PLXNA4: variants seen among roughly 807,000 people sequenced by gnomAD.
The protein encoded by PLXNA4 is plexin-A4.
Under a neutral mutation model 191.8 loss-of-function variants are expected in PLXNA4, and 44 were observed. The ratio of observed to expected loss-of-function variants is 0.23; its 90% CI spans 0.18 to 0.29. PLXNA4 has a LOEUF of 0.29. PLXNA4 is among the 10% of genes least tolerant of loss of function. The pLI is 1.00. For missense variants in PLXNA4, 1,800 were observed against 2,488.8 expected, an observed-to-expected ratio of 0.72 and a Z score of 5.89; for synonymous variants, 1,082 against 1,009.5, an observed-to-expected ratio of 1.07 and a Z score of -1.36.
chr7:132,529,141 C>T (rs1366168940), intron 1 of PLXNA4, among the ~76,000 whole-genome samples: 1 of 152,222 alleles, frequency 6.6e-6, no homozygotes, highest in African/African-American at 2.4e-5. Flanking sequence ...GCAAAGCCAG[C>T]CCCAGTCCAT....
chr7:132,489,536 A>C, intron 2 of PLXNA4, 62 bp from the exon 3 acceptor site: 1 of 1,370,386 alleles, frequency 7.3e-7, no homozygotes, highest in Non-Finnish European at 9.9e-7. Context: ...AGAGATATTA[A>C]GTCAGGAAAC....
intron 31 of PLXNA4, among the ~76,000 whole-genome samples, chr7:132,132,000 G>C (rs962529835): frequency 7.2e-5 from 11 of 152,212 alleles, no homozygotes; most frequent in African/African-American, 2.7e-4. Flanking sequence ...TAGAGAACTC[G>C]GGGCACAAGC....
chr7:132,568,449 T>C (rs549692054), intron 1 of PLXNA4, among the ~76,000 whole-genome samples: 1 of 152,260 alleles, frequency 6.6e-6, no homozygotes, highest in East Asian at 1.9e-4. Context: ...CTAATTGGAG[T>C]ACCCTGCCCT....
chr7:132,454,434 T>C (rs1156239306), intron 3 of PLXNA4, among the ~76,000 whole-genome samples: 2 of 152,140 alleles, frequency 1.3e-5, no homozygotes, highest in African/African-American at 4.8e-5. Context: ...GCTTGGGTTC[T>C]GTGAGGGGCA....
chr7:132,618,687 CAGA>C (rs530824195), intron 2 of PLXNA4, among the ~76,000 whole-genome samples: 51 of 152,256 alleles, frequency 3.3e-4, no homozygotes, highest in Middle Eastern at 3.4e-3. Flanking sequence ...AGAAAAGTAG[CAGA>C]AGGTTTATGT....
At chr7:132,358,345 C>T (rs894054724) in intron 3 of PLXNA4, among the ~76,000 whole-genome samples, 10 of 152,160 alleles carry the variant, frequency 6.6e-5, no homozygotes, top group African/African-American at 2.2e-4. Flanking sequence ...TTTCTACTAA[C>T]AAGTGAGCCT....
chr7:132,272,257 G>T (rs1485087846), intron 4 of PLXNA4, among the ~76,000 whole-genome samples: 2 of 152,162 alleles, frequency 1.3e-5, no homozygotes, highest in African/African-American at 4.8e-5. Flanking sequence ...ACCTTTGTCT[G>T]CATTTCTACA....
chr7:132,432,976 G>GT (rs1209507411), intron 3 of PLXNA4, among the ~76,000 whole-genome samples: 1 of 152,054 alleles, frequency 6.6e-6, no homozygotes, highest in African/African-American at 2.4e-5. Flanking sequence ...CCCCACCATT[G>GT]TAAGTGTTTC....
intron 1 of PLXNA4, among the ~76,000 whole-genome samples, chr7:132,552,226 C>T (rs1307923254): frequency 1.3e-5 from 2 of 152,276 alleles, no homozygotes; most frequent in African/African-American, 4.8e-5. Flanking sequence ...TGTCCAGGAT[C>T]ACAGCTGGCA....
chr7:132,430,172 C>A (rs746237741), intron 3 of PLXNA4, among the ~76,000 whole-genome samples: 1 of 152,202 alleles, frequency 6.6e-6, no homozygotes, highest in Admixed American at 6.5e-5. Flanking sequence ...TATCTTCATT[C>A]ATTCAAAACC....
intron 1 of PLXNA4, among the ~76,000 whole-genome samples, chr7:132,514,208 T>A (rs1191037633): frequency 6.6e-6 from 1 of 151,902 alleles, no homozygotes; most frequent in Non-Finnish European, 1.5e-5. Flanking sequence ...CCCGCCACCA[T>A]GCTTGGCTAA....
chr7:132,181,327 C>A, intron 18 of PLXNA4, 54 bp downstream of exon 18: 1 of 1,605,472 alleles, frequency 6.2e-7, no homozygotes, highest in Non-Finnish European at 8.5e-7. Flanking sequence ...ACACCCCCTT[C>A]CATGCAGCAG....
intron 1 of PLXNA4, among the ~76,000 whole-genome samples, chr7:132,553,638 C>T (rs936245297): frequency 6.6e-6 from 1 of 152,208 alleles, no homozygotes; most frequent in African/African-American, 2.4e-5. Flanking sequence ...GCCACTGGAA[C>T]ATGGTTTCTT....
rs151262998 is a variant in PLXNA4, at chr7:132,212,473, A to G, written c.2098-1330T>C. ...GGAGAAGGCTTGAACTAACTCTAGT[A>G]CCCGTGAGCTGCTGATGAGCTCTGG... On this transcript the variant is annotated intron_variant, in intron 9 of 31. Transcript: ENST00000321063. Among the ~76,000 whole-genome samples the G allele has an allele frequency of 6.4e-4, 98 of 152,092 alleles. No homozygotes were observed. The East Asian group carries it at 0.018, about 28-fold the overall frequency.
chr7:132,591,129 G>T (rs1802597160), intron 2 of PLXNA4, among the ~76,000 whole-genome samples: 1 of 152,162 alleles, frequency 6.6e-6, no homozygotes. Context: ...CACTGATTTG[G>T]ACTAATCAAG....
At chr7:132,152,610 C>T (rs571976106) in intron 25 of PLXNA4, among the ~76,000 whole-genome samples, 98 of 152,294 alleles carry the variant, frequency 6.4e-4, no homozygotes, top group Admixed American at 9.8e-4. Flanking sequence ...TACCTTGCTC[C>T]GTAGGAGGTG....
At chr7:132,518,582 G>A (rs1210806224) in intron 1 of PLXNA4, among the ~76,000 whole-genome samples, 2 of 152,172 alleles carry the variant, frequency 1.3e-5, no homozygotes, top group Admixed American at 6.5e-5. Flanking sequence ...AGGCACTGAT[G>A]TAGAGTCTTG....
chr7:132,537,669 T>C (rs891843406), intron 1 of PLXNA4, among the ~76,000 whole-genome samples: 2 of 152,128 alleles, frequency 1.3e-5, no homozygotes, highest in African/African-American at 4.8e-5. Flanking sequence ...CTGTGCTGCA[T>C]GGAAGTGGGA....
intron 1 of PLXNA4, among the ~76,000 whole-genome samples, chr7:132,509,045 T>C (rs1798605006): frequency 6.6e-6 from 1 of 152,140 alleles, no homozygotes; most frequent in South Asian, 2.1e-4. Flanking sequence ...ATGATGATCA[T>C]GATTAACAGC....
Sources: gnomAD v4.1 joint callset for allele counts (sites outside exome capture counted in the v4.1 genomes callset) on GRCh38, gnomAD v4.1.1 for gene constraint, MANE v1.5 for transcripts, NCBI Gene and HGNC (gene_info 2026-07-23, HGNC 2026-07-21) for gene names.